Variants in HNRNPUL1 observed in about 807,000 individuals in gnomAD.
The protein encoded by HNRNPUL1 is heterogeneous nuclear ribonucleoprotein U-like protein 1.
A neutral mutation model predicts 108.5 loss-of-function variants in HNRNPUL1; 14 were observed. The ratio of observed to expected loss-of-function variants is 0.13; its 90% CI spans 0.09 to 0.20. The LOEUF is 0.20. Among genes scored for constraint, HNRNPUL1 ranks in the 10% least tolerant of loss-of-function variants. The pLI is 1.00. For synonymous variants in HNRNPUL1, 422 were observed against 445.2 expected, an observed-to-expected ratio of 0.95 and a Z score of 0.66; for missense variants, 804 against 1,168.3, an observed-to-expected ratio of 0.69 and a Z score of 4.55.
intron 8 of HNRNPUL1, among the ~76,000 whole-genome samples, chr19:41,293,999 C>A (rs568623204): frequency 6.6e-6 from 1 of 152,100 alleles, no homozygotes; most frequent in Non-Finnish European, 1.5e-5. Context: ...AGAGTGAGAC[C>A]CTGTCTCAAA....
intron 4 of HNRNPUL1, among the ~76,000 whole-genome samples, chr19:41,275,674 C>G (rs9304592): frequency 0.059 from 8,931 of 152,224 alleles, 705 homozygotes; most frequent in African/African-American, 0.17. Context: ...TACTGCACAT[C>G]CTCCCTACTC....
chr19:41,282,838 C>T (rs1294022235), intron 7 of HNRNPUL1, among the ~76,000 whole-genome samples: 4 of 150,538 alleles, frequency 2.7e-5, no homozygotes, highest in East Asian at 2.0e-4. Flanking sequence ...TACAGGCGCC[C>T]GCCACTACGC....
At chr19:41,300,388 T>C (rs1187784695) in intron 10 of HNRNPUL1, among the ~76,000 whole-genome samples, 1 of 152,114 alleles carries the variant, frequency 6.6e-6, no homozygotes, top group East Asian at 1.9e-4. Context: ...GTGGCTTCTT[T>C]CTTGGGTCCC....
intron 6 of HNRNPUL1, chr19:41,280,786 C>G (rs1313947228): frequency 1.6e-5 from 3 of 191,860 alleles, no homozygotes; most frequent in Admixed American, 5.2e-5. Flanking sequence ...AGCCCCTTCA[C>G]TGATTTCTAC....
At chr19:41,272,538 T>A (rs1313790935) in intron 3 of HNRNPUL1, among the ~76,000 whole-genome samples, 1 of 152,210 alleles carries the variant, frequency 6.6e-6, no homozygotes, top group African/African-American at 2.4e-5. Context: ...AGCTGCTTGA[T>A]ACCCGTAATG....
At position 41,292,289 on chromosome 19, in the gene HNRNPUL1, T is replaced by C. The variant is rs1280406375; in HGVS notation, c.1044T>C (p.Asn348=). The change falls in exon 8 of 15, where the codon AAT becomes AAC. Residue 348 remains asparagine (N), a synonymous_variant. Coordinates refer to ENST00000392006, the MANE Select transcript of HNRNPUL1 (RefSeq NM_007040.6). The surrounding 1 kb of genome is among the most constrained non-coding windows in gnomAD (Gnocchi z 4.1). ...ACGTGGAACTGTCTTTTACCAAGAATGGAAAGTGGATGGGCATTGCTTTCC... is the reference window on the plus strand; with the variant it reads ...ACGTGGAACTGTCTTTTACCAAGAACGGAAAGTGGATGGGCATTGCTTTCC... ...GNDVELSFTK[N]GKWMGIAFRI... 2.5e-6 allele frequency: 4 copies of C among 1,614,104 alleles called. No homozygotes were observed. The highest frequency in any genetic ancestry group is 3.3e-5 in the Admixed American group (2 of 60,008).
chr19:41,282,025 A>G (rs1410004442), intron 7 of HNRNPUL1, among the ~76,000 whole-genome samples: 1 of 152,230 alleles, frequency 6.6e-6, no homozygotes, highest in East Asian at 1.9e-4. Flanking sequence ...AGTAAATACC[A>G]CTTAATACTG....
chr19:41,269,579 G>T (rs1259572968), intron 2 of HNRNPUL1, among the ~76,000 whole-genome samples: 1 of 151,826 alleles, frequency 6.6e-6, no homozygotes, highest in East Asian at 1.9e-4. Flanking sequence ...AAGTCAGGAG[G>T]ATCACTTGAG....
chr19:41,269,927 CTA>C (rs1419264163), intron 2 of HNRNPUL1, among the ~76,000 whole-genome samples: 1 of 151,302 alleles, frequency 6.6e-6, no homozygotes, highest in African/African-American at 2.4e-5. Flanking sequence ...AACCCTGTCT[CTA>C]TAAAAAATAA....
At chr19:41,279,228 C>G in intron 6 of HNRNPUL1, 52 bp downstream of exon 6, 2 of 1,308,648 alleles carry the variant, frequency 1.5e-6, no homozygotes, top group Non-Finnish European at 2.2e-6. Context: ...TGTCCCTACC[C>G]TTGGATTTTC....
At chr19:41,295,219 C>T (rs908948264) in intron 10 of HNRNPUL1, among the ~76,000 whole-genome samples, 5 of 152,200 alleles carry the variant, frequency 3.3e-5, no homozygotes, top group Non-Finnish European at 7.3e-5. Context: ...CCGTCATTTT[C>T]TCTTCACAAA....
At chr19:41,264,109 C>T (rs1043018714), upstream of HNRNPUL1, among the ~76,000 whole-genome samples, 9 of 152,324 alleles carry the variant, frequency 5.9e-5, no homozygotes, top group South Asian at 6.2e-4. Context: ...TTGGACCTTA[C>T]GGCAGCCGGC....
chr19:41,277,664 G>A (rs1192089327), intron 5 of HNRNPUL1, among the ~76,000 whole-genome samples: 1 of 152,180 alleles, frequency 6.6e-6, no homozygotes, highest in African/African-American at 2.4e-5. Context: ...GTGCCACCCT[G>A]CCCGGCTAAT....
rs1251437846 is a variant in HNRNPUL1 at position 41,304,075 on chromosome 19, C to T, written c.2076C>T (p.Pro692=). ...SNNRGSYNRA[P]QQQPPPQQPP... ...ACAGAGGCAGCTACAACCGGGCTCC[C>T]CAGCAACAGCCGCCACCACAGCAGC... The change falls in exon 13 of 15, where the codon CCC becomes CCT. Residue 692 remains proline (P), a synonymous_variant. Coordinates refer to ENST00000392006, the MANE Select transcript of HNRNPUL1 (RefSeq NM_007040.6). 1 of 1,613,330 alleles carries T rather than the reference C, an allele frequency of 6.2e-7. No individual in the cohort carries two copies. The highest frequency in any genetic ancestry group is 8.5e-7 in the Non-Finnish European group (1 of 1,179,450).
chr19:41,265,309 C>T lies in HNRNPUL1; in HGVS notation c.295+511C>T, dbSNP rs574729434. 7 of 1,515,728 alleles carry T rather than the reference C, an allele frequency of 4.6e-6. No individual in the cohort carries two copies. The South Asian group carries it at 7.2e-5, about 16-fold the overall frequency. 93.9% of individuals were successfully genotyped at this position (1,515,728 alleles called of 1,614,324 possible). A position where few individuals can be genotyped will look rare whatever the true frequency, so the allele number is the denominator to read the frequency against. ...TGAGGAAGGAGGATCCTGGAATATG[C>T]CGCTGGATGCGATCCTGGGCGTTCT... On this transcript the variant is annotated intron_variant, in intron 1 of 14. Transcript: ENST00000392006.
chr19:41,278,742 C>T (rs189830800), intron 5 of HNRNPUL1, among the ~76,000 whole-genome samples: 27 of 152,242 alleles, frequency 1.8e-4, no homozygotes, highest in Non-Finnish European at 3.7e-4. Context: ...AGTCACCATC[C>T]CCAGCCATTT....
intron 1 of HNRNPUL1, among the ~76,000 whole-genome samples, chr19:41,267,405 G>GC (rs1169972770): frequency 6.6e-6 from 1 of 152,100 alleles, no homozygotes; most frequent in East Asian, 1.9e-4. Context: ...GTTTGAAAGG[G>GC]CCCCATATTC....
chr19:41,293,143 T>G (rs550698309), intron 8 of HNRNPUL1, among the ~76,000 whole-genome samples: 6 of 152,352 alleles, frequency 3.9e-5, no homozygotes, highest in Admixed American at 6.5e-5. Context: ...TACTAGTGTC[T>G]TTTTTCTTAA....
At chr19:41,297,707 G>C (rs1419092494) in intron 10 of HNRNPUL1, among the ~76,000 whole-genome samples, 1 of 152,196 alleles carries the variant, frequency 6.6e-6, no homozygotes, top group Admixed American at 6.5e-5. Flanking sequence ...CCGTTAGAGG[G>C]CTCTAACAGC....
Sources: allele counts gnomAD v4.1 joint callset (sites outside exome capture counted in the v4.1 genomes callset), GRCh38; gene constraint gnomAD v4.1.1; non-coding constraint Gnocchi (gnomAD v3.1); transcripts MANE v1.5; gene names NCBI Gene and HGNC (gene_info 2026-07-23, HGNC 2026-07-21).